Variants in LRRC71 observed in about 807,000 individuals in gnomAD.
LRRC71 encodes leucine-rich repeat-containing protein 71.
In LRRC71, 54 loss-of-function variants were observed where a neutral mutation model predicts 66.6. That is an observed-to-expected ratio of 0.81 (90% CI 0.65 to 1.02). The LOEUF (loss-of-function observed/expected upper bound fraction) is 1.02, where lower values mean the gene tolerates loss of function less well. Among genes scored for constraint, LRRC71 ranks in the 50% least tolerant of loss-of-function variants. LRRC71 has a pLI of 0.00. For missense variants in LRRC71, 724 were observed against 718.0 expected (o/e 1.01, Z -0.10); for synonymous variants, 323 against 303.9 (o/e 1.06, Z -0.65).
downstream of LRRC71, chr1:156,937,382 G>A (rs1381136751): frequency 1.2e-6 from 2 of 1,608,040 alleles, no homozygotes; most frequent in South Asian, 1.1e-5. Flanking sequence ...CTGAGGCTGA[G>A]GCTCTGTCTG....
downstream of LRRC71, chr1:156,936,052 T>C (rs1267122520): frequency 6.2e-7 from 1 of 1,613,658 alleles, no homozygotes; most frequent in East Asian, 2.2e-5. Context: ...CAGGGGGGCG[T>C]CAGAGCCTGT....
chr1:156,929,710 C>T lies in LRRC71; in HGVS notation c.1221C>T (p.Ala407=). The change falls in exon 11 of 15, where the codon GCC becomes GCT. Residue 407 remains alanine (A), a synonymous_variant. Coordinates refer to ENST00000337428, the MANE Select transcript of LRRC71 (RefSeq NM_144702.3). ...PTQGTPKKED[A]TKAGKGKVTI... is the part of the protein sequence containing the mutation. Reference sequence around the variant, plus strand: ...AAGGAACCCCTAAGAAGGAAGATGCCACAAAGGCAGGCAAGGGGAGTAAGT... The same window carrying T: ...AAGGAACCCCTAAGAAGGAAGATGCTACAAAGGCAGGCAAGGGGAGTAAGT... 6.4e-7 allele frequency: 1 copy of T among 1,570,412 alleles called. No individual in the cohort carries two copies. Among genetic ancestry groups the T allele is most frequent in the Non-Finnish European group, 8.6e-7 (1 of 1,157,954 alleles).
intron 9 of LRRC71, 116 bp downstream of exon 9, chr1:156,928,120 CCTGA>C (rs1347038774): frequency 6.0e-6 from 6 of 1,003,028 alleles, no homozygotes; most frequent in Non-Finnish European, 8.9e-6. Context: ...CACCCTCTGT[CCTGA>C]CTGTCTTTCC....
chr1:156,921,712 AACAC>A (rs34547094), intron 1 of LRRC71: 13,206 of 278,328 alleles, frequency 0.047, 569 homozygotes, highest in Admixed American at 0.095. Context: ...TTACATTCAA[AACAC>A]ACACACACAC....
rs377360724 is a variant in LRRC71, at chr1:156,924,499, A to G, written c.386A>G (p.Gln129Arg). ...TACGTGTTCTTCCGGCCCACCATCCAGGTGGAGCTGGAGCAGGAGGACAGC... is the reference window on the plus strand; with the variant it reads ...TACGTGTTCTTCCGGCCCACCATCCGGGTGGAGCTGGAGCAGGAGGACAGC... The part of the protein sequence containing the change: ...SKYVFFRPTI[Q>R]VELEQEDSKS... Residue 129 changes from glutamine to arginine, a missense_variant, in exon 3 of 15, where the codon CAG (glutamine) becomes CGG (arginine). Physicochemically the swap from Gln to Arg is conservative, Grantham distance 43 (BLOSUM62 1). Transcript: ENST00000337428. The G allele has an allele frequency of 2.7e-4, 420 of 1,551,424 alleles. 1 individual carries two copies. In the Middle Eastern group the frequency reaches 5.5e-3, roughly 20 times the overall value.
At chr1:156,936,499 T>A (rs12749171), downstream of LRRC71, among the ~76,000 whole-genome samples, 5,212 of 74,192 alleles carry the variant, frequency 0.07, 182 homozygotes, top group Non-Finnish European at 0.084. Flanking sequence ...AAAAAAAAAA[T>A]ATATATATAT....
Position 156,920,889 on chromosome 1 carries a change from A to G in LRRC71, c.86A>G (p.Lys29Arg). ...TQKSSGAVTK[K>R]GERAAKEKPA... ...AAGTCTTCTGGCGCGGTGACCAAAA[A>G]GGGAGAGCGCGCGGCCAAAGAGAAG... is the stretch of plus-strand genomic sequence containing the variant. Residue 29 changes from lysine (K) to arginine (R), a missense_variant, in exon 1 of 15, where the codon AAG becomes AGG. Lys to Arg is a conservative substitution (Grantham distance 26, BLOSUM62 2). Transcript: ENST00000337428. This position sits in a 1 kb window ranked among gnomAD's most constrained non-coding sequence, Gnocchi z 4.9. 1 of 1,539,084 alleles carries G rather than the reference A, an allele frequency of 6.5e-7. No homozygotes were observed. Among genetic ancestry groups the G allele is most frequent in the Admixed American group, 2.0e-5 (1 of 49,670 alleles).
Position 156,927,591 on chromosome 1 carries a change from C to T in LRRC71, c.758C>T (p.Thr253Ile), listed in dbSNP as rs1364657075. ...ALSTLHSCNRTLVSLNLGFNH... is the reference protein window; with the variant it reads ...ALSTLHSCNRILVSLNLGFNH... ...TCCACGCTGCACAGCTGCAACCGGA[C>T]CCTCGTCTCGCTCAACCTGGGTTTC... The change falls in exon 7 of 15, where the codon ACC becomes ATC. Residue 253 changes from threonine (T) to isoleucine (I), a missense_variant. By Grantham distance (89) the Thr-to-Ile change is moderately conservative. Transcript: ENST00000337428. The T allele has an allele frequency of 5.6e-6, 9 of 1,599,252 alleles. No individual in the cohort carries two copies. The highest frequency in any genetic ancestry group is 6.8e-6 in the Non-Finnish European group (8 of 1,172,614).
downstream of LRRC71, among the ~76,000 whole-genome samples, chr1:156,933,573 T>G (rs1205795538): frequency 6.6e-6 from 1 of 152,162 alleles, no homozygotes; most frequent in African/African-American, 2.4e-5. Context: ...TGCTAAACGC[T>G]CAACATCTAC....
At position 156,933,040 on chromosome 1, in the gene LRRC71, TCC is replaced by T; in HGVS notation, c.*73_*74del. 9.1e-7 allele frequency: 1 copy of T among 1,102,338 alleles called. No individual in the cohort carries two copies. Among genetic ancestry groups the T allele is most frequent in the Non-Finnish European group, 1.3e-6 (1 of 759,226 alleles). 68.3% of individuals were successfully genotyped at this position (1,102,338 alleles called of 1,614,324 possible). ...CCTCCTGTCCCTGTGTGGGGTGACC[TCC>T]CTGGGGGAGATCTCAGACCAATAAC... On this transcript the variant is annotated 3_prime_UTR_variant, in exon 15 of 15. Transcript: ENST00000337428.
At chr1:156,928,363 CTCTTCTTCTTCTTCTTCTTCT>C (rs71080802) in intron 9 of LRRC71, among the ~76,000 whole-genome samples, 3 of 98,820 alleles carry the variant, frequency 3.0e-5, no homozygotes, top group South Asian at 3.9e-4. Flanking sequence ...CTTCTTCTTC[CTCTTCTTCTTCTTCTTCTTCT>C]TCTTCTTCTT....
At chr1:156,926,694 C>T (rs1295819857) in intron 5 of LRRC71, among the ~76,000 whole-genome samples, 1 of 152,048 alleles carries the variant, frequency 6.6e-6, no homozygotes, top group Non-Finnish European at 1.5e-5. Flanking sequence ...TCTGCCTCAG[C>T]CTCCCAAGTA....
In LRRC71 at chr1:156,924,937, G is replaced by T. The variant is rs1212851671; in HGVS notation, c.516-1G>T. The T allele has an allele frequency of 6.4e-7, 1 of 1,551,726 alleles. No individual in the cohort carries two copies. Among genetic ancestry groups the T allele is most frequent in the Non-Finnish European group, 8.7e-7 (1 of 1,146,996 alleles). ...GTTTCTGCACTTCCCGCCCACGACA[G>T]CTTGTGGAAGGTGGGGCTGACCGAT... On this transcript the variant is annotated splice_acceptor_variant, in intron 4 of 14. Transcript: ENST00000337428. LOFTEE classifies it high-confidence loss of function.
At position 156,924,818 on chromosome 1, in the gene LRRC71, G is replaced by A. The variant is rs1462867441; in HGVS notation, c.515+100G>A. The A allele has an allele frequency of 2.7e-6, 4 of 1,502,796 alleles. No homozygotes were observed. In the East Asian group the frequency reaches 7.4e-5, roughly 28 times the overall value. 93.1% of individuals were successfully genotyped at this position (1,502,796 alleles called of 1,614,324 possible). A position where few individuals can be genotyped will look rare whatever the true frequency, so the allele number is the denominator to read the frequency against. On this transcript the variant is annotated intron_variant, in intron 4 of 14. Transcript: ENST00000337428. ...AAGGGGCATGGGAGACCCTGGCGAC[G>A]GTGGGGAGGTCGGGGGTGGGGGATG...
chr1:156,928,362 C>CTT (rs1445308488), intron 9 of LRRC71, among the ~76,000 whole-genome samples: 3,301 of 140,462 alleles, frequency 0.024, 151 homozygotes, highest in African/African-American at 0.085. Flanking sequence ...TCTTCTTCTT[C>CTT]CTCTTCTTCT....
chr1:156,927,411 C>T (rs1464626000), intron 6 of LRRC71, 85 bp from the exon 7 acceptor site: 5 of 1,512,888 alleles, frequency 3.3e-6, no homozygotes, highest in Admixed American at 2.0e-5. Flanking sequence ...ACCAGACCGC[C>T]CCCTCAAGCG....
At chr1:156,939,719 C>T in the LRRC71 span, 2 of 1,614,150 alleles carry the variant, frequency 1.2e-6, no homozygotes, top group Non-Finnish European at 1.7e-6. Flanking sequence ...CCCTCCAGCC[C>T]TGCAAGCTGG....
At chr1:156,939,844 G>A in the LRRC71 span, 1 of 1,612,366 alleles carries the variant, frequency 6.2e-7, no homozygotes, top group Admixed American at 1.7e-5. Context: ...GGGCTCCTGG[G>A]CAGCCTGAGT....
At chr1:156,926,311 GCTGA>G (rs1430133401) in intron 5 of LRRC71, among the ~76,000 whole-genome samples, 1 of 152,198 alleles carries the variant, frequency 6.6e-6, no homozygotes, top group Non-Finnish European at 1.5e-5. Context: ...CGGTACAGCT[GCTGA>G]CTGTGGCTGC....
Sources: gnomAD v4.1 joint callset for allele counts (sites outside exome capture counted in the v4.1 genomes callset) on GRCh38, gnomAD v4.1.1 for gene constraint, Gnocchi (gnomAD v3.1) non-coding constraint, MANE v1.5 for transcripts, NCBI Gene and HGNC (gene_info 2026-07-23, HGNC 2026-07-21) for gene names.